CAMK1D: variants seen among roughly 807,000 people sequenced by gnomAD.
CAMK1D encodes calcium/calmodulin dependent protein kinase ID.
CAMK1D carries 9 observed loss-of-function variants against 47.7 expected under a neutral mutation model. That is an observed-to-expected ratio of 0.19 (90% CI 0.11 to 0.33). The LOEUF (loss-of-function observed/expected upper bound fraction) is 0.33, where lower values mean the gene tolerates loss of function less well. CAMK1D is among the 10% of genes least tolerant of loss of function. The probability of loss-of-function intolerance (pLI) is 1.00; values close to 1 mark genes in which losing one functional copy is unlikely to be tolerated. For synonymous variants in CAMK1D, 184 were observed against 184.9 expected (o/e 0.99, Z 0.04); for missense variants, 291 against 488.7 (o/e 0.60, Z 3.81).
intron 2 of CAMK1D, among the ~76,000 whole-genome samples, chr10:12,654,937 A>G (rs1370800861): frequency 1.3e-5 from 2 of 152,208 alleles, no homozygotes; most frequent in Non-Finnish European, 2.9e-5. Context: ...TGTTACGCCT[A>G]GGCCACGCCG....
chr10:12,834,045 T>A lies in CAMK1D; in HGVS notation c.*5158T>A, dbSNP rs1287832810. On this transcript the variant is annotated 3_prime_UTR_variant, in exon 11 of 11. Transcript: ENST00000619168. ...TGCAAAAGATATTCCAGTCTTTCGA[T>A]GTTCAGAATTGAAAATGTGGAGATA... 1.3e-5 allele frequency: 2 copies of A among 152,138 alleles called. No homozygotes were observed. The highest frequency in any genetic ancestry group is 2.9e-5 in the Non-Finnish European group (2 of 68,034). The allele number at this position is 152,138 out of a possible 1,614,324, so 9.4% of individuals were successfully genotyped here. A position where few individuals can be genotyped will look rare whatever the true frequency, so the allele number is the denominator to read the frequency against.
intron 10 of CAMK1D, among the ~76,000 whole-genome samples, chr10:12,827,595 G>C (rs867640373): frequency 3.1e-5 from 4 of 129,728 alleles, no homozygotes; most frequent in Non-Finnish European, 6.4e-5. Context: ...GCCCTGCCTT[G>C]CCCTGCCTTC....
At chr10:12,462,033 G>A (rs956350798) in intron 1 of CAMK1D, among the ~76,000 whole-genome samples, 13 of 152,140 alleles carry the variant, frequency 8.5e-5, no homozygotes, top group Admixed American at 6.5e-4. Context: ...GCGACTCAGC[G>A]AAAGAATGAG....
Position 12,427,698 on chromosome 10 carries a change from C to CTGTTTTT in CAMK1D, c.92+77790_92+77796dup, listed in dbSNP as rs1187361102. Among the ~76,000 whole-genome samples the CTGTTTTT allele has an allele frequency of 8.4e-3, 229 of 27,368 alleles. 7 individuals are homozygous for CTGTTTTT. The highest frequency in any genetic ancestry group is 0.012 in the Non-Finnish European group (146 of 12,014). The allele number at this position is 27,368 out of a possible 152,430, so 18.0% of individuals were successfully genotyped here. On this transcript the variant is annotated intron_variant, in intron 1 of 10. Coordinates refer to ENST00000619168, the MANE Select transcript of CAMK1D (RefSeq NM_153498.4). ...TACTTTCCTGGCTTCACTGAACTTA[C>CTGTTTTT]TGTTTTTTTTTTTTTTTTTTTTTTT... is the stretch of plus-strand genomic sequence containing the variant.
chr10:12,818,670 CAA>C (rs36034904), intron 8 of CAMK1D, among the ~76,000 whole-genome samples: 5 of 135,442 alleles, frequency 3.7e-5, no homozygotes, highest in Non-Finnish European at 1.6e-5. Flanking sequence ...GACTCTGTCC[CAA>C]AAAAAAAAAA....
At chr10:12,712,633 TG>T (rs1300964588) in intron 3 of CAMK1D, among the ~76,000 whole-genome samples, 1 of 152,166 alleles carries the variant, frequency 6.6e-6, no homozygotes, top group African/African-American at 2.4e-5. Flanking sequence ...AATCGCATCC[TG>T]GGGGCCCCAT....
At chr10:12,508,290 G>A (rs1348470777) in intron 1 of CAMK1D, among the ~76,000 whole-genome samples, 1 of 152,262 alleles carries the variant, frequency 6.6e-6, no homozygotes, top group African/African-American at 2.4e-5. Flanking sequence ...ACAAAATGTG[G>A]TCTCTCCATG....
intron 4 of CAMK1D, among the ~76,000 whole-genome samples, chr10:12,766,208 G>T (rs1395202802): frequency 1.3e-5 from 2 of 151,602 alleles, no homozygotes; most frequent in Non-Finnish European, 2.9e-5. Flanking sequence ...CAGGTGATCC[G>T]CCTGCCTCAG....
chr10:12,806,410 C>CA (rs1394215995), intron 6 of CAMK1D, among the ~76,000 whole-genome samples: 3 of 152,192 alleles, frequency 2.0e-5, no homozygotes, highest in Non-Finnish European at 4.4e-5. Context: ...GCTGTAGATG[C>CA]AGGTCACACC....
chr10:12,817,839 C>A (rs1283789907), intron 8 of CAMK1D, among the ~76,000 whole-genome samples: 1 of 152,106 alleles, frequency 6.6e-6, no homozygotes, highest in Non-Finnish European at 1.5e-5. Flanking sequence ...TAACAGGCAC[C>A]ACCATGCCCA....
At chr10:12,498,317 G>A (rs1401830501) in intron 1 of CAMK1D, among the ~76,000 whole-genome samples, 1 of 152,218 alleles carries the variant, frequency 6.6e-6, no homozygotes, top group Non-Finnish European at 1.5e-5. Context: ...TCCAAACAGA[G>A]GGCCTGAGCC....
chr10:12,757,239 C>T (rs1196710860), intron 3 of CAMK1D, among the ~76,000 whole-genome samples: 1 of 152,134 alleles, frequency 6.6e-6, no homozygotes, highest in Admixed American at 6.5e-5. Flanking sequence ...TCCCAAAGTG[C>T]TGGGATTACA....
chr10:12,435,847 C>T (rs1588483000), intron 1 of CAMK1D, among the ~76,000 whole-genome samples: 3 of 152,284 alleles, frequency 2.0e-5, no homozygotes, highest in Non-Finnish European at 4.4e-5. Flanking sequence ...GCCTCCTGGG[C>T]ACCATAAGTC....
At chr10:12,477,380 A>T (rs1210532434) in intron 1 of CAMK1D, among the ~76,000 whole-genome samples, 1 of 152,070 alleles carries the variant, frequency 6.6e-6, no homozygotes, top group Non-Finnish European at 1.5e-5. Flanking sequence ...ATGCCATTGC[A>T]CTCCAACCTG....
chr10:12,512,780 GT>G (rs1353241163), intron 1 of CAMK1D, among the ~76,000 whole-genome samples: 1 of 152,160 alleles, frequency 6.6e-6, no homozygotes, highest in Non-Finnish European at 1.5e-5. Flanking sequence ...TGGTACGAGT[GT>G]TTGCTTATTT....
At chr10:12,791,117 T>G (rs376975534) in intron 5 of CAMK1D, 41 bp from the exon 6 acceptor site, 1 of 1,592,816 alleles carries the variant, frequency 6.3e-7, no homozygotes, top group Admixed American at 1.7e-5. Context: ...GTCCGAGGCA[T>G]GTAAATTGTC....
chr10:12,493,828 G>A (rs891240949), intron 1 of CAMK1D, among the ~76,000 whole-genome samples: 1 of 152,138 alleles, frequency 6.6e-6, no homozygotes, highest in African/African-American at 2.4e-5. Context: ...GGTTATGTGG[G>A]GTGGGATCAA....
intron 3 of CAMK1D, among the ~76,000 whole-genome samples, chr10:12,738,264 C>T (rs1456399418): frequency 1.3e-5 from 2 of 152,196 alleles, no homozygotes; most frequent in African/African-American, 4.8e-5. Context: ...AATAAGAGGA[C>T]ATTTTAACCT....
chr10:12,796,877 A>G (rs548412064), intron 6 of CAMK1D, among the ~76,000 whole-genome samples: 3 of 152,340 alleles, frequency 2.0e-5, no homozygotes, highest in Middle Eastern at 3.4e-3. Flanking sequence ...ATTGATTCAC[A>G]GTAACTAGAC....
Sources: allele counts gnomAD v4.1 joint callset (sites outside exome capture counted in the v4.1 genomes callset), GRCh38; gene constraint gnomAD v4.1.1; transcripts MANE v1.5; gene names NCBI Gene and HGNC (gene_info 2026-07-23, HGNC 2026-07-21).